Variants in ZNF521 observed in about 807,000 individuals in gnomAD.
ZNF521 encodes LYST-interacting protein 3.
Under a neutral mutation model 105.5 loss-of-function variants are expected in ZNF521, and 14 were observed. The ratio of observed to expected loss-of-function variants is 0.13; its 90% CI spans 0.09 to 0.21. The LOEUF is 0.21. ZNF521 is among the 10% of genes least tolerant of loss of function. ZNF521 has a pLI of 1.00. For synonymous variants in ZNF521, 635 were observed against 606.0 expected (o/e 1.05, Z -0.70); for missense variants, 1,233 against 1,629.7 (o/e 0.76, Z 4.19).
intron 4 of ZNF521, among the ~76,000 whole-genome samples, chr18:25,199,110 C>T (rs1290876459): frequency 6.6e-6 from 1 of 151,708 alleles, no homozygotes; most frequent in Non-Finnish European, 1.5e-5. Context: ...GCCTAACAAT[C>T]CAGTTTTCAG....
intron 5 of ZNF521, among the ~76,000 whole-genome samples, chr18:25,161,309 G>A (rs2035247241): frequency 6.6e-6 from 1 of 152,086 alleles, no homozygotes; most frequent in African/African-American, 2.4e-5. Context: ...ATTTTAAGTT[G>A]TTCTAAGGCA....
chr18:25,140,613 G>C (rs1312379425), intron 5 of ZNF521, among the ~76,000 whole-genome samples: 1 of 152,182 alleles, frequency 6.6e-6, no homozygotes, highest in Non-Finnish European at 1.5e-5. Flanking sequence ...GCATAAAACT[G>C]GGTGGGATAA....
intron 3 of ZNF521, among the ~76,000 whole-genome samples, chr18:25,243,081 A>AT (rs1183537248): frequency 1.3e-5 from 2 of 152,142 alleles, no homozygotes; most frequent in African/African-American, 4.8e-5. Flanking sequence ...GTTTGCAGTG[A>AT]TTTTGAGGAG....
intron 5 of ZNF521, among the ~76,000 whole-genome samples, chr18:25,125,893 G>T (rs1308925674): frequency 2.0e-5 from 3 of 151,972 alleles, no homozygotes; most frequent in East Asian, 1.9e-4. Flanking sequence ...CAAGTATGAA[G>T]TTAGGAAATT....
chr18:25,311,667 G>A (rs4550540), intron 3 of ZNF521, among the ~76,000 whole-genome samples: 77,637 of 151,870 alleles, frequency 0.51, 19,990 homozygotes, highest in Admixed American at 0.54. Flanking sequence ...TGACAGCTTT[G>A]ATTACCATCA....
chr18:25,180,712 T>C (rs1415353162), intron 5 of ZNF521, among the ~76,000 whole-genome samples: 1 of 152,176 alleles, frequency 6.6e-6, no homozygotes, highest in African/African-American at 2.4e-5. Flanking sequence ...GCTGCTACTC[T>C]ATTTCTCCAC....
chr18:25,099,485 A>C (rs1190173882), intron 5 of ZNF521, among the ~76,000 whole-genome samples: 2 of 152,196 alleles, frequency 1.3e-5, no homozygotes, highest in Non-Finnish European at 2.9e-5. Flanking sequence ...TGATAAGCCA[A>C]AACTTATCCC....
intron 3 of ZNF521, among the ~76,000 whole-genome samples, chr18:25,311,811 C>T (rs1051984904): frequency 2.0e-5 from 3 of 152,180 alleles, no homozygotes; most frequent in South Asian, 2.1e-4. Flanking sequence ...TTATTCATTA[C>T]ACAACTAAGG....
At chr18:25,110,445 A>AAAAAAAAAAAAG (rs1004158349) in intron 5 of ZNF521, among the ~76,000 whole-genome samples, 7 of 152,144 alleles carry the variant, frequency 4.6e-5, no homozygotes, top group Non-Finnish European at 8.8e-5. Flanking sequence ...AGGAGACCAA[A>AAAAAAAAAAAAG]AAAGAAAGAA....
At chr18:25,285,189 T>G (rs1910630517) in intron 3 of ZNF521, among the ~76,000 whole-genome samples, 1 of 152,212 alleles carries the variant, frequency 6.6e-6, no homozygotes, top group African/African-American at 2.4e-5. Flanking sequence ...TGGGGAGCTC[T>G]GTAATTTCCA....
chr18:25,329,321 T>C (rs1294825430), intron 2 of ZNF521, among the ~76,000 whole-genome samples: 1 of 152,126 alleles, frequency 6.6e-6, no homozygotes, highest in Non-Finnish European at 1.5e-5. Flanking sequence ...TTTCTGCATA[T>C]GTTATTTCAT....
intron 2 of ZNF521, among the ~76,000 whole-genome samples, chr18:25,339,037 T>A (rs1003134586): frequency 4.3e-4 from 66 of 152,162 alleles, no homozygotes; most frequent in Non-Finnish European, 3.4e-4. Context: ...GTAGTTTACT[T>A]AGAATGGGAA....
intron 3 of ZNF521, among the ~76,000 whole-genome samples, chr18:25,241,309 C>T (rs1432272154): frequency 6.6e-6 from 1 of 152,170 alleles, no homozygotes; most frequent in Non-Finnish European, 1.5e-5. Context: ...TGCCACTTAT[C>T]AGAATTGTAT....
At chr18:25,211,674 C>T (rs1172225007) in intron 4 of ZNF521, among the ~76,000 whole-genome samples, 1 of 151,928 alleles carries the variant, frequency 6.6e-6, no homozygotes, top group Non-Finnish European at 1.5e-5. Flanking sequence ...GTTTTATAAA[C>T]CTGTAGCTTT....
intron 5 of ZNF521, among the ~76,000 whole-genome samples, chr18:25,163,763 T>C (rs1456303488): frequency 6.6e-6 from 1 of 152,196 alleles, no homozygotes; most frequent in African/African-American, 2.4e-5. Flanking sequence ...AATTGCTGTG[T>C]TGCAGGTATG....
chr18:25,140,913 C>T (rs936251138), intron 5 of ZNF521, among the ~76,000 whole-genome samples: 1 of 152,122 alleles, frequency 6.6e-6, no homozygotes, highest in African/African-American at 2.4e-5. Flanking sequence ...TCAATGGACT[C>T]AATTACTTCA....
At chr18:25,062,895 G>T (rs2032945505) in intron 7 of ZNF521, among the ~76,000 whole-genome samples, 154 bp from the exon 8 acceptor site, 1 of 150,690 alleles carries the variant, frequency 6.6e-6, no homozygotes, top group African/African-American at 2.4e-5. Context: ...TCTGCCCTCT[G>T]ATGAATAGTG....
intron 5 of ZNF521, among the ~76,000 whole-genome samples, chr18:25,121,454 T>G (rs1009257592): frequency 6.6e-6 from 1 of 152,004 alleles, no homozygotes; most frequent in Admixed American, 6.6e-5. Context: ...GGTTTCACCA[T>G]GTTGGCCAGG....
intron 7 of ZNF521, among the ~76,000 whole-genome samples, chr18:25,086,769 T>C (rs939108797): frequency 2.0e-5 from 3 of 152,174 alleles, no homozygotes; most frequent in African/African-American, 7.2e-5. Flanking sequence ...TAAGTCTCTG[T>C]TTGGCCCAGA....
Sources: gnomAD v4.1 joint callset for allele counts (sites outside exome capture counted in the v4.1 genomes callset) on GRCh38, gnomAD v4.1.1 for gene constraint, MANE v1.5 for transcripts, NCBI Gene and HGNC (gene_info 2026-07-23, HGNC 2026-07-21) for gene names.